Variants in PHEX observed in about 807,000 individuals in gnomAD.
PHEX encodes the protein phosphate-regulating neutral endopeptidase PHEX.
PHEX carries 16 observed loss-of-function variants against 68.0 expected under a neutral mutation model. The observed-to-expected ratio is 0.24, with a 90% CI of 0.16 to 0.36. The LOEUF (loss-of-function observed/expected upper bound fraction) is 0.36, where lower values mean the gene tolerates loss of function less well. Among genes scored for constraint, PHEX ranks in the 10% least tolerant of loss-of-function variants. PHEX has a pLI of 1.00. For missense variants in PHEX, 480 were observed against 575.5 expected, an observed-to-expected ratio of 0.83 and a Z score of 1.70; for synonymous variants, 208 against 205.1, an observed-to-expected ratio of 1.01 and a Z score of -0.12.
chrX:22,239,021 C>T (rs756989774), intron 20 of PHEX, among the ~76,000 whole-genome samples: 7 of 111,921 alleles, frequency 6.3e-5, no homozygotes, highest in Non-Finnish European at 1.1e-4. Context: ...ACAAAGCTTC[C>T]AGAGGAAGGA....
intron 2 of PHEX, among the ~76,000 whole-genome samples, chrX:22,042,263 C>T (rs757164831): frequency 2.7e-5 from 3 of 111,817 alleles, no homozygotes; most frequent in African/African-American, 6.5e-5. Context: ...TTATTTTAAT[C>T]CCTCTTTCAA....
intron 14 of PHEX, among the ~76,000 whole-genome samples, chrX:22,187,515 T>C (rs754085388): frequency 8.9e-6 from 1 of 111,887 alleles, no homozygotes; most frequent in Non-Finnish European, 1.9e-5. Flanking sequence ...AGATTGAGCC[T>C]ACCTGAATAA....
chrX:22,183,053 G>A (rs1933927603), intron 14 of PHEX, among the ~76,000 whole-genome samples: 1 of 111,314 alleles, frequency 9.0e-6, no homozygotes, highest in South Asian at 3.8e-4. Flanking sequence ...CATTATACCT[G>A]CAAGCCTGGC....
At chrX:22,238,120 A>C (rs1277774737) in intron 20 of PHEX, among the ~76,000 whole-genome samples, 1 of 112,285 alleles carries the variant, frequency 8.9e-6, no homozygotes, top group Non-Finnish European at 1.9e-5. Context: ...CCCCATCTCT[A>C]CTAAAAAAAT....
chrX:22,072,031 A>C (rs1928925279), intron 3 of PHEX, among the ~76,000 whole-genome samples: 1 of 112,557 alleles, frequency 8.9e-6, no homozygotes, highest in Non-Finnish European at 1.9e-5. Flanking sequence ...GTTCGAGACC[A>C]GCCTGGCTAA....
At chrX:22,233,448 A>G (rs1935842445) in intron 20 of PHEX, among the ~76,000 whole-genome samples, 1 of 111,400 alleles carries the variant, frequency 9.0e-6, no homozygotes, top group Admixed American at 9.6e-5. Context: ...AGGTACACCA[A>G]TCAAACGTAG....
intron 20 of PHEX, among the ~76,000 whole-genome samples, chrX:22,228,664 T>G (rs1012938509): frequency 9.2e-6 from 1 of 108,377 alleles, no homozygotes; most frequent in Non-Finnish European, 2.0e-5. Context: ...AGGTCTTATT[T>G]GATGCATCTG....
intron 15 of PHEX, among the ~76,000 whole-genome samples, chrX:22,195,119 C>A (rs1182383888): frequency 1.8e-5 from 2 of 111,409 alleles, no homozygotes; most frequent in East Asian, 5.6e-4. Flanking sequence ...GGCTATCTAG[C>A]CCATAGGGTT....
At chrX:22,178,461 C>A in intron 14 of PHEX, 85 bp downstream of exon 14, 1 of 560,702 alleles carries the variant, frequency 1.8e-6, no homozygotes, top group Non-Finnish European at 2.9e-6. Context: ...TAATTCCCCT[C>A]AAGTCAGAGT....
chrX:22,203,723 T>C (rs1291065650), intron 15 of PHEX, among the ~76,000 whole-genome samples: 1 of 111,504 alleles, frequency 9.0e-6, no homozygotes, highest in African/African-American at 3.3e-5. Flanking sequence ...GCAGGTGCAA[T>C]TTAAACTCTT....
chrX:22,158,887 T>G (rs1316615749), intron 12 of PHEX, among the ~76,000 whole-genome samples: 1 of 112,282 alleles, frequency 8.9e-6, no homozygotes, highest in Non-Finnish European at 1.9e-5. Context: ...TTCCTCATTT[T>G]TCTGAGTTCA....
chrX:22,118,339 C>CAAAAA lies in PHEX; in HGVS notation c.1302+3775_1302+3779dup, dbSNP rs1157170753. 1.8e-3 allele frequency among the ~76,000 whole-genome samples: 38 copies of CAAAAA among 21,119 alleles called. 2 individuals carry two copies. The highest frequency in any genetic ancestry group is 6.5e-3 in the African/African-American group (38 of 5,859). The allele number at this position is 21,119 out of a possible 115,157, so 18.3% of individuals were successfully genotyped here. On this transcript the variant is annotated intron_variant, in intron 11 of 21. Coordinates refer to ENST00000379374, the MANE Select transcript of PHEX (RefSeq NM_000444.6). ...TGATTCATTTGTTTGTAAACAGCAC[C>CAAAAA]AAAAAAAAAAAAAAAAAAAAAAAAA... is the stretch of plus-strand genomic sequence containing the variant.
At chrX:22,229,514 A>G (rs1935632286) in intron 20 of PHEX, among the ~76,000 whole-genome samples, 1 of 111,621 alleles carries the variant, frequency 9.0e-6, no homozygotes, top group Non-Finnish European at 1.9e-5. Context: ...AGCATTTTTC[A>G]TATGTTTGTT....
At chrX:22,236,992 T>G in intron 20 of PHEX, among the ~76,000 whole-genome samples, 1 of 112,521 alleles carries the variant, frequency 8.9e-6, no homozygotes. Context: ...TGGAAAGCTA[T>G]TTTATATCTT....
chrX:22,050,589 A>C (rs1404955137), intron 3 of PHEX, among the ~76,000 whole-genome samples: 2 of 109,465 alleles, frequency 1.8e-5, no homozygotes, highest in Admixed American at 9.8e-5. Flanking sequence ...AAAAAAAAAA[A>C]AAAACAGAAC....
At chrX:22,198,277 TAA>T (rs34074701) in intron 15 of PHEX, among the ~76,000 whole-genome samples, 25,427 of 105,288 alleles carry the variant, frequency 0.24, 4,183 homozygotes, top group African/African-American at 0.58. Flanking sequence ...TATATATATA[TAA>T]AATGCTTGGT....
chrX:22,063,069 G>C (rs1252084922), intron 3 of PHEX, among the ~76,000 whole-genome samples: 1 of 111,269 alleles, frequency 9.0e-6, no homozygotes, highest in African/African-American at 3.3e-5. Flanking sequence ...CTAGATGTGA[G>C]GATTTTTAAC....
intron 20 of PHEX, among the ~76,000 whole-genome samples, chrX:22,231,560 G>A (rs1935737372): frequency 9.1e-6 from 1 of 110,201 alleles, no homozygotes; most frequent in Non-Finnish European, 1.9e-5. Flanking sequence ...TATTTGCATA[G>A]AGGTGTTTAT....
At position 22,040,468 on chromosome X, in the gene PHEX, A is replaced by C. The variant is rs780993964; in HGVS notation, c.187+1931A>C. 2.7e-5 allele frequency among the ~76,000 whole-genome samples: 3 copies of C among 111,903 alleles called. No homozygotes were observed. The South Asian group carries it at 1.1e-3, about 42-fold the overall frequency. On this transcript the variant is annotated intron_variant, in intron 2 of 21. Coordinates refer to ENST00000379374, the MANE Select transcript of PHEX (RefSeq NM_000444.6). ...CAAATTAGTGAGACCCCATCTCTGA[A>C]AGAAAGAAAGAGGAATATCAGTCAG...
Sources: gnomAD v4.1 joint callset for allele counts (sites outside exome capture counted in the v4.1 genomes callset) on GRCh38, gnomAD v4.1.1 for gene constraint, MANE v1.5 for transcripts, NCBI Gene and HGNC (gene_info 2026-07-23, HGNC 2026-07-21) for gene names.